HP1BP3: variants seen among roughly 807,000 people sequenced by gnomAD.
HP1BP3 encodes heterochromatin protein 1-binding protein 3.
Under a neutral mutation model 62.5 loss-of-function variants are expected in HP1BP3, and 12 were observed. That is an observed-to-expected ratio of 0.19 (90% CI 0.12 to 0.31). The LOEUF (loss-of-function observed/expected upper bound fraction) is 0.31. HP1BP3 is among the 10% of genes least tolerant of loss of function. HP1BP3 has a pLI of 1.00. For synonymous variants in HP1BP3, 260 were observed against 237.8 expected, an observed-to-expected ratio of 1.09 and a Z score of -0.86; for missense variants, 502 against 651.8, an observed-to-expected ratio of 0.77 and a Z score of 2.50.
At chr1:20,766,398 G>T (rs1394356914) in intron 7 of HP1BP3, among the ~76,000 whole-genome samples, 1 of 151,696 alleles carries the variant, frequency 6.6e-6, no homozygotes, top group Non-Finnish European at 1.5e-5. Context: ...AGTTCATTTT[G>T]AAAGTGTTTG....
chr1:20,761,266 C>T (rs559618915), intron 8 of HP1BP3, among the ~76,000 whole-genome samples: 3 of 152,020 alleles, frequency 2.0e-5, no homozygotes, highest in African/African-American at 4.8e-5. Flanking sequence ...AGGCTGGTCT[C>T]GAACTCCTGA....
At position 20,771,053 on chromosome 1, in the gene HP1BP3, A is replaced by G. The variant is rs199974497; in HGVS notation, c.531T>C (p.Gly177=). 5.6e-6 allele frequency: 9 copies of G among 1,607,022 alleles called. No homozygotes were observed. The highest frequency in any genetic ancestry group is 1.7e-5 in the Admixed American group (1 of 58,580). ...EAIKACFQKS[G]ASVVAIRKYI... ...ATTTTCGAATAGCAACCACTGATGC[A>G]CCACTCTTCTGGAAGCATGCCTAGA... The change falls in exon 6 of 13, where the codon GGT becomes GGC. Residue 177 remains glycine (G), a synonymous_variant. Transcript: ENST00000438032.
At chr1:20,775,863 T>A in intron 4 of HP1BP3, 1 of 1,207,164 alleles carries the variant, frequency 8.3e-7, no homozygotes, top group South Asian at 1.6e-5. Context: ...CACTTTATGA[T>A]GTTGGCACGA....
chr1:20,774,454 A>AT (rs1369789754), intron 4 of HP1BP3: 1 of 152,238 alleles, frequency 6.6e-6, no homozygotes, highest in Non-Finnish European at 1.5e-5. Context: ...CCTGAAGATT[A>AT]TAGCTAGAAG....
intron 11 of HP1BP3, 64 bp downstream of exon 11, chr1:20,747,480 A>C: frequency 9.7e-7 from 1 of 1,025,654 alleles, no homozygotes; most frequent in Non-Finnish European, 1.5e-6. Context: ...GGTAAAATAA[A>C]TTAAACTGAG....
chr1:20,773,645 G>C (rs373816865), intron 4 of HP1BP3, 35 bp from the exon 5 acceptor site: 1 of 1,441,338 alleles, frequency 6.9e-7, no homozygotes, highest in Non-Finnish European at 9.4e-7. Flanking sequence ...TAGAAGATAA[G>C]CTCTCTAGAA....
intron 5 of HP1BP3, 78 bp from the exon 6 acceptor site, chr1:20,771,151 G>T: frequency 7.9e-7 from 1 of 1,271,058 alleles, no homozygotes; most frequent in Non-Finnish European, 1.1e-6. Context: ...AAATTATTTT[G>T]GAAGTGAATT....
In HP1BP3 at chr1:20,747,531, G is replaced by C. The variant is rs753544819; in HGVS notation, c.1253+13C>G. ...ATAAATTTACAGTGATCTATTATAG[G>C]CTAAGTACTTACCTGGGATAATAGG... is the stretch of plus-strand genomic sequence containing the variant. On this transcript the variant is annotated intron_variant, in intron 11 of 12. Transcript: ENST00000438032. 1 of 1,469,232 alleles carries C rather than the reference G, an allele frequency of 6.8e-7. No homozygotes were observed. The highest frequency in any genetic ancestry group is 1.2e-5 in the South Asian group (1 of 86,904). The allele number at this position is 1,469,232 out of a possible 1,614,324, so 91.0% of individuals were successfully genotyped here.
At chr1:20,780,641 A>G in intron 1 of HP1BP3, 101 bp from the exon 2 acceptor site, 1 of 567,170 alleles carries the variant, frequency 1.8e-6, no homozygotes, top group Non-Finnish European at 3.1e-6. Context: ...TATAACTATA[A>G]AATTTATAGG....
In HP1BP3 at chr1:20,779,930, A is replaced by G. The variant is rs905063896; in HGVS notation, c.97-19T>C. On this transcript the variant is annotated intron_variant, in intron 2 of 12. Transcript: ENST00000438032. The stretch of plus-strand genomic sequence containing the variant: ...CTACCTTCTAAGAAAAGAGATGGCC[A>G]TAATCAAACATGCATTAAAAAATTC... 7.0e-6 allele frequency: 11 copies of G among 1,573,472 alleles called. No individual in the cohort carries two copies. The African/African-American group carries it at 1.4e-4, about 19-fold the overall frequency.
chr1:20,750,136 C>T (rs962231107), intron 9 of HP1BP3: 7 of 480,878 alleles, frequency 1.5e-5, no homozygotes, highest in African/African-American at 1.4e-4. Flanking sequence ...CCAACCTAAC[C>T]CAAAGATACT....
rs2055118227 is a variant in HP1BP3, at chr1:20,742,741, T to C, written c.*2056A>G. 6.6e-6 allele frequency: 1 copy of C among 152,612 alleles called. No homozygotes were observed. The highest frequency in any genetic ancestry group is 6.5e-5 in the Admixed American group (1 of 15,274). 9.5% of individuals were successfully genotyped at this position (152,612 alleles called of 1,614,324 possible). On this transcript the variant is annotated 3_prime_UTR_variant, in exon 13 of 13. Transcript: ENST00000438032. The stretch of plus-strand genomic sequence containing the variant: ...ATATATGTACATTAAAAAAGGAAGA[T>C]TTACAACAGGAAAGATTGCCTTACA...
chr1:20,755,250 CA>C, intron 9 of HP1BP3: 1 of 329,100 alleles, frequency 3.0e-6, no homozygotes, highest in East Asian at 8.1e-5. Flanking sequence ...AAAAGAGTAA[CA>C]AACGTTGAGG....
At chr1:20,767,184 C>T (rs1209847576) in intron 7 of HP1BP3, among the ~76,000 whole-genome samples, 2 of 151,668 alleles carry the variant, frequency 1.3e-5, no homozygotes, top group Non-Finnish European at 2.9e-5. Flanking sequence ...GGCACTGTGG[C>T]GAGTGCCTGT....
At chr1:20,757,762 C>T (rs2056210506) in intron 8 of HP1BP3, among the ~76,000 whole-genome samples, 1 of 152,124 alleles carries the variant, frequency 6.6e-6, no homozygotes, top group Non-Finnish European at 1.5e-5. Flanking sequence ...CTCTGAGTCT[C>T]TATATACCCA....
intron 6 of HP1BP3, among the ~76,000 whole-genome samples, chr1:20,768,942 C>T (rs1364147013): frequency 6.6e-6 from 1 of 152,176 alleles, no homozygotes; most frequent in Non-Finnish European, 1.5e-5. Flanking sequence ...GTTGTTTAGG[C>T]ATCAAACCAA....
chr1:20,741,419 A>G lies in HP1BP3; in HGVS notation c.*3378T>C, dbSNP rs1457986438. 6.6e-6 allele frequency among the ~76,000 whole-genome samples: 1 copy of G among 152,214 alleles called. No homozygotes were observed. The highest frequency in any genetic ancestry group is 1.9e-4 in the East Asian group (1 of 5,196). Reference sequence around the variant, plus strand: ...AATTTGGAAAAACAGCAATGATGAAAAAACAAATGTCAAAAGGTGTTAGCA... The same window carrying G: ...AATTTGGAAAAACAGCAATGATGAAGAAACAAATGTCAAAAGGTGTTAGCA... On this transcript the variant is annotated 3_prime_UTR_variant, in exon 13 of 13. Coordinates refer to ENST00000438032, the MANE Select transcript of HP1BP3 (RefSeq NM_001372052.1).
At chr1:20,777,281 A>T (rs2057344832) in intron 3 of HP1BP3, among the ~76,000 whole-genome samples, 1 of 151,866 alleles carries the variant, frequency 6.6e-6, no homozygotes, top group Non-Finnish European at 1.5e-5. Flanking sequence ...AACTCCAAAA[A>T]AAAATAAAAA....
intron 7 of HP1BP3, 54 bp downstream of exon 7, chr1:20,767,530 T>C (rs372079519): frequency 5.2e-6 from 6 of 1,154,710 alleles, no homozygotes; most frequent in Non-Finnish European, 7.8e-6. Context: ...ATGTTGCTAT[T>C]TTTAGTAGCA....
Sources: allele counts gnomAD v4.1 joint callset (sites outside exome capture counted in the v4.1 genomes callset), GRCh38; gene constraint gnomAD v4.1.1; transcripts MANE v1.5; gene names NCBI Gene and HGNC (gene_info 2026-07-23, HGNC 2026-07-21).